The following PCDHGA2 variants were observed in gnomAD, a reference collection of about 807,000 sequenced individuals.
PCDHGA2 encodes the protein protocadherin gamma subfamily A, 2.
Under a neutral mutation model 59.2 loss-of-function variants are expected in PCDHGA2, and 40 were observed. The ratio of observed to expected loss-of-function variants is 0.68; its 90% CI spans 0.52 to 0.88. The LOEUF is 0.88. PCDHGA2 is among the 40% of genes least tolerant of loss of function. PCDHGA2 has a pLI of 0.00. For missense variants in PCDHGA2, 1,226 were observed against 1,204.0 expected (o/e 1.02, Z -0.27); for synonymous variants, 560 against 526.0 (o/e 1.06, Z -0.89).
chr5:141,350,561 C>G (rs1208651808), intron 1 of PCDHGA2: 1 of 1,614,010 alleles, frequency 6.2e-7, no homozygotes. Flanking sequence ...TGAGTGTGCA[C>G]TAGAATTCGA....
At chr5:141,475,997 G>A in intron 1 of PCDHGA2, 2 of 1,184,406 alleles carry the variant, frequency 1.7e-6, no homozygotes, top group East Asian at 2.4e-5. Flanking sequence ...CAAATCAACG[G>A]CATCCAGAAA....
chr5:141,421,443 G>A (rs1561793987), intron 1 of PCDHGA2: 4 of 1,614,106 alleles, frequency 2.5e-6, no homozygotes, highest in Non-Finnish European at 2.5e-6. Flanking sequence ...CCAGAGGGAA[G>A]ACACAGCTTT....
chr5:141,500,645 A>C (rs2099801792), intron 2 of PCDHGA2, among the ~76,000 whole-genome samples: 1 of 152,228 alleles, frequency 6.6e-6, no homozygotes, highest in African/African-American at 2.4e-5. Flanking sequence ...GTTTTTTAAA[A>C]ATAGCAACTG....
At chr5:141,393,197 T>C (rs1470064881) in intron 1 of PCDHGA2, 1 of 1,613,448 alleles carries the variant, frequency 6.2e-7, no homozygotes, top group South Asian at 1.1e-5. Context: ...ATATTAACGA[T>C]AATAACCCAA....
At chr5:141,345,078 A>G (rs368977574) in intron 1 of PCDHGA2, 9 of 1,613,988 alleles carry the variant, frequency 5.6e-6, no homozygotes, top group Non-Finnish European at 6.8e-6. Flanking sequence ...AGAAATTACA[A>G]TCACGTCTCT....
rs369851570 is a variant in PCDHGA2, at chr5:141,408,393, G to T, written c.2424+66998G>T. 1.7e-5 allele frequency: 28 copies of T among 1,613,918 alleles called. No individual in the cohort carries two copies. In the Admixed American group the frequency reaches 2.2e-4, roughly 12 times the overall value. On this transcript the variant is annotated intron_variant, in intron 1 of 3. Coordinates refer to ENST00000394576, the MANE Select transcript of PCDHGA2 (RefSeq NM_018915.4). Reference sequence around the variant, plus strand: ...CTCAGTGTCCTGGATGTGTCGGCTCGCAAGCTGCGAGTGAGCGCGGAGAAG... The same window carrying T: ...CTCAGTGTCCTGGATGTGTCGGCTCTCAAGCTGCGAGTGAGCGCGGAGAAG...
intron 1 of PCDHGA2, chr5:141,399,474 C>T (rs1282833757): frequency 6.2e-7 from 1 of 1,614,032 alleles, no homozygotes; most frequent in South Asian, 1.1e-5. Flanking sequence ...CGGTTTTCCA[C>T]CAGGCGTCCT....
intron 1 of PCDHGA2, among the ~76,000 whole-genome samples, chr5:141,475,341 C>T (rs1306106224): frequency 6.6e-6 from 1 of 152,162 alleles, no homozygotes; most frequent in Non-Finnish European, 1.5e-5. Context: ...CAATGACATC[C>T]AGTTTTAAAA....
chr5:141,403,127 C>G, intron 1 of PCDHGA2: 1 of 1,614,062 alleles, frequency 6.2e-7, no homozygotes, highest in Non-Finnish European at 8.5e-7. Context: ...GCCCCGGGAG[C>G]TGGCGGAGCG....
At chr5:141,345,533 C>T (rs1283128713) in intron 1 of PCDHGA2, 3 of 1,614,176 alleles carry the variant, frequency 1.9e-6, no homozygotes, top group East Asian at 4.5e-5. Flanking sequence ...AGGGGGCGCC[C>T]CTGTCCTCCT....
intron 1 of PCDHGA2, chr5:141,356,470 G>C: frequency 6.2e-7 from 1 of 1,613,754 alleles, no homozygotes; most frequent in Non-Finnish European, 8.5e-7. Flanking sequence ...CACTGTAACT[G>C]CCACTGACCA....
chr5:141,491,560 T>C lies in PCDHGA2; in HGVS notation c.2425-3247T>C. 1 of 1,613,986 alleles carries C rather than the reference T, an allele frequency of 6.2e-7. No homozygotes were observed. Among genetic ancestry groups the C allele is most frequent in the Non-Finnish European group, 8.5e-7 (1 of 1,180,026 alleles). ...GCCCACAGACTCGCAGAGCCACTGCTACAGGACGTGCTTTTCACCGGCCTC... is the reference window on the plus strand; with the variant it reads ...GCCCACAGACTCGCAGAGCCACTGCCACAGGACGTGCTTTTCACCGGCCTC... On this transcript the variant is annotated intron_variant, in intron 1 of 3. Coordinates refer to ENST00000394576, the MANE Select transcript of PCDHGA2 (RefSeq NM_018915.4). This position sits in a 1 kb window ranked among gnomAD's most constrained non-coding sequence, Gnocchi z 6.9.
chr5:141,365,306 G>A, intron 1 of PCDHGA2: 1 of 1,613,976 alleles, frequency 6.2e-7, no homozygotes, highest in South Asian at 1.1e-5. Context: ...GGATGGAGGC[G>A]CTCTTGTTGC....
intron 1 of PCDHGA2, among the ~76,000 whole-genome samples, chr5:141,474,862 T>C (rs1281140736): frequency 6.6e-6 from 1 of 152,264 alleles, no homozygotes; most frequent in Non-Finnish European, 1.5e-5. Context: ...CTTCATTTAA[T>C]AGGATAGGAG....
intron 2 of PCDHGA2, among the ~76,000 whole-genome samples, chr5:141,495,440 A>G (rs2099761377): frequency 6.6e-6 from 1 of 151,898 alleles, no homozygotes; most frequent in African/African-American, 2.4e-5. Context: ...CTCTGCCCCT[A>G]CTTGTCCTGC....
chr5:141,431,215 CCCTCTACCCCACG>C lies in PCDHGA2; in HGVS notation c.2425-63588_2425-63576del. The C allele has an allele frequency of 6.2e-7, 1 of 1,614,184 alleles. No homozygotes were observed. Among genetic ancestry groups the C allele is most frequent in the Non-Finnish European group, 8.5e-7 (1 of 1,180,048 alleles). On this transcript the variant is annotated intron_variant, in intron 1 of 3. Transcript: ENST00000394576. The surrounding 1 kb of genome is among the most constrained non-coding windows in gnomAD (Gnocchi z 4.8). ...AAAATGCAGCCACTGAGATGCGGTT[CCCTCTACCCCACG>C]CCTGGGATCCGGATATCGGGAAGAA... is the stretch of plus-strand genomic sequence containing the variant.
chr5:141,451,976 A>T (rs2098729884), intron 1 of PCDHGA2, among the ~76,000 whole-genome samples: 1 of 152,164 alleles, frequency 6.6e-6, no homozygotes, highest in Non-Finnish European at 1.5e-5. Flanking sequence ...TTTTTGCTGT[A>T]GTTTGTTCAT....
At chr5:141,452,635 T>C (rs1426970634) in intron 1 of PCDHGA2, among the ~76,000 whole-genome samples, 1 of 152,086 alleles carries the variant, frequency 6.6e-6, no homozygotes, top group Non-Finnish European at 1.5e-5. Context: ...GCTATGAATA[T>C]ATTTACTCAT....
intron 1 of PCDHGA2, among the ~76,000 whole-genome samples, chr5:141,461,314 T>A (rs1453512629): frequency 6.6e-6 from 1 of 152,198 alleles, no homozygotes; most frequent in Non-Finnish European, 1.5e-5. Context: ...TTTTTTGACT[T>A]TTTAATAATG....
Sources: allele counts gnomAD v4.1 joint callset (sites outside exome capture counted in the v4.1 genomes callset), GRCh38; gene constraint gnomAD v4.1.1; non-coding constraint Gnocchi (gnomAD v3.1); transcripts MANE v1.5; gene names NCBI Gene and HGNC (gene_info 2026-07-23, HGNC 2026-07-21).